Variants in SHANK1 observed in about 807,000 individuals in gnomAD.
SHANK1 encodes the protein SH3 and multiple ankyrin repeat domains protein 1.
A neutral mutation model predicts 165.6 loss-of-function variants in SHANK1; 35 were observed. The observed-to-expected ratio is 0.21, with a 90% confidence interval of 0.16 to 0.28. The LOEUF is 0.28. SHANK1 is among the 10% of genes least tolerant of loss of function. The probability of loss-of-function intolerance (pLI) is 1.00; values close to 1 mark genes in which losing one functional copy is unlikely to be tolerated. For synonymous variants in SHANK1, 1,428 were observed against 1,384.8 expected (o/e 1.03, Z -0.69); for missense variants, 2,681 against 3,036.4 (o/e 0.88, Z 2.75).
rs1427203939 is a variant in SHANK1 at position 50,711,401 on chromosome 19, C to T, written c.1047G>A (p.Thr349=). ...TGTAGAGGGCGCAGATGTGCAGAGC[C>T]GTGTTCCCCGAGGCGTTCTGGGCTC... is the stretch of plus-strand genomic sequence containing the variant. ...EPGAQNASGN[T]ALHICALYNK... The change falls in exon 8 of 24, where the codon ACG becomes ACA. Residue 349 remains threonine (T), a synonymous_variant. Transcript: ENST00000293441. The T allele has an allele frequency of 2.2e-5, 35 of 1,558,168 alleles. No homozygotes were observed. The highest frequency in any genetic ancestry group is 7.2e-5 in the East Asian group (3 of 41,414).
intron 15 of SHANK1, among the ~76,000 whole-genome samples, chr19:50,695,319 C>T (rs1986702220): frequency 6.8e-6 from 1 of 148,060 alleles, no homozygotes; most frequent in Admixed American, 6.7e-5. Context: ...ACGGCGCCGG[C>T]TTCAGCACCG....
chr19:50,676,845 C>A (rs192778728), intron 21 of SHANK1, among the ~76,000 whole-genome samples: 1 of 152,128 alleles, frequency 6.6e-6, no homozygotes, highest in African/African-American at 2.4e-5. Context: ...GAAGGCCAAC[C>A]GGGATGCCCA....
At chr19:50,684,588 T>G (rs1420090568) in intron 21 of SHANK1, among the ~76,000 whole-genome samples, 1 of 152,174 alleles carries the variant, frequency 6.6e-6, no homozygotes, top group Non-Finnish European at 1.5e-5. Flanking sequence ...GTGGATAGAC[T>G]TCAGGGGCCT....
chr19:50,703,046 C>A (rs887539055), intron 11 of SHANK1, among the ~76,000 whole-genome samples: 7 of 152,174 alleles, frequency 4.6e-5, no homozygotes, highest in Non-Finnish European at 1.0e-4. Context: ...TTCCTCGGGA[C>A]ACGCCTGGCT....
At chr19:50,674,394 C>T (rs1451707621) in intron 21 of SHANK1, among the ~76,000 whole-genome samples, 3 of 152,128 alleles carry the variant, frequency 2.0e-5, no homozygotes, top group South Asian at 2.1e-4. Flanking sequence ...GAATGAAGTT[C>T]GCACCTTTGG....
At position 50,659,572 on chromosome 19, in the gene SHANK1, C is replaced by A. The variant is rs374301468; in HGVS notation, c.*2393G>T. On this transcript the variant is annotated 3_prime_UTR_variant, in exon 24 of 24. Coordinates refer to ENST00000293441, the MANE Select transcript of SHANK1 (RefSeq NM_016148.5). Reference sequence around the variant, plus strand: ...CCCCTCCTCTTCCCCTCCCACCCCCCCTTGGAAGACAATTCTCGGGCTTTT... The same window carrying A: ...CCCCTCCTCTTCCCCTCCCACCCCCACTTGGAAGACAATTCTCGGGCTTTT... Among the ~76,000 whole-genome samples, 6 of 149,700 alleles carry A rather than the reference C, an allele frequency of 4.0e-5. No homozygotes were observed. The highest frequency in any genetic ancestry group is 7.4e-5 in the African/African-American group (3 of 40,722).
intron 21 of SHANK1, 63 bp from the exon 22 acceptor site, chr19:50,672,177 A>C (rs1985818166): frequency 7.5e-7 from 1 of 1,337,330 alleles, no homozygotes; most frequent in Non-Finnish European, 1.0e-6. Context: ...TCAGCGCAGA[A>C]AGGCTTGTGG....
At position 50,686,394 on chromosome 19, in the gene SHANK1, A is replaced by C. The variant is rs1451398003; in HGVS notation, c.2459-39T>G. On this transcript the variant is annotated intron_variant, in intron 20 of 23. Coordinates refer to ENST00000293441, the MANE Select transcript of SHANK1 (RefSeq NM_016148.5). This position sits in a 1 kb window ranked among gnomAD's most constrained non-coding sequence, Gnocchi z 5.7. ...AATGAACAGAGGTGGGAAGACAATGAAATGAAGTTTGCTTTGACCCGGGCC... is the reference window on the plus strand; with the variant it reads ...AATGAACAGAGGTGGGAAGACAATGCAATGAAGTTTGCTTTGACCCGGGCC... 24 of 1,423,652 alleles carry C rather than the reference A, an allele frequency of 1.7e-5. No individual in the cohort carries two copies. The highest frequency in any genetic ancestry group is 2.2e-5 in the Non-Finnish European group (23 of 1,035,766). 88.2% of individuals were successfully genotyped at this position (1,423,652 alleles called of 1,614,324 possible).
At chr19:50,679,410 G>A (rs1986099641) in intron 21 of SHANK1, among the ~76,000 whole-genome samples, 2 of 152,076 alleles carry the variant, frequency 1.3e-5, no homozygotes, top group Admixed American at 1.3e-4. Context: ...AGAAGGGTCA[G>A]GGTGACAGGA....
chr19:50,676,720 C>A (rs1264932972), intron 21 of SHANK1, among the ~76,000 whole-genome samples: 3 of 152,132 alleles, frequency 2.0e-5, no homozygotes, highest in African/African-American at 7.2e-5. Context: ...GCAGCCCACC[C>A]CAATACTCTT....
rs1985737855 is a variant in SHANK1, at chr19:50,670,073, C to G, written c.2675-788G>C. On this transcript the variant is annotated intron_variant, in intron 22 of 23. Transcript: ENST00000293441. This position sits in a 1 kb window ranked among gnomAD's most constrained non-coding sequence, Gnocchi z 4.1. ...GGGGCCCCATCCTCCGCCCTGAGCT[C>G]TGGGCCCCTATATTCAAATACCCAC... is the stretch of plus-strand genomic sequence containing the variant. Among the ~76,000 whole-genome samples the G allele has an allele frequency of 6.6e-6, 1 of 152,138 alleles. No individual in the cohort carries two copies. The highest frequency in any genetic ancestry group is 2.4e-5 in the African/African-American group (1 of 41,404).
Position 50,718,487 on chromosome 19 carries a change from G to A in SHANK1, c.-44+919C>T, listed in dbSNP as rs1352611299. On this transcript the variant is annotated intron_variant, in intron 1 of 23. Transcript: ENST00000293441. The surrounding 1 kb of genome is among the most constrained non-coding windows in gnomAD (Gnocchi z 5.1). ...CGCGTACGGCTGCCCCAGCCCCCCCGGGCCGGCTCCGGCCCCTCCCCCTCA... is the reference window on the plus strand; with the variant it reads ...CGCGTACGGCTGCCCCAGCCCCCCCAGGCCGGCTCCGGCCCCTCCCCCTCA... 1.3e-5 allele frequency among the ~76,000 whole-genome samples: 2 copies of A among 151,994 alleles called. No individual in the cohort carries two copies. The highest frequency in any genetic ancestry group is 2.1e-4 in the South Asian group (1 of 4,822).
rs779886477 is a variant in SHANK1, at chr19:50,666,992, C to T, written c.4968G>A (p.Pro1656=). Reference sequence around the variant, plus strand: ...GGCCAGGCTGTGGGGCAGCGGGAGCCGGTGCTGCTGGGGCAGGCGGGCCTG... The same window carrying T: ...GGCCAGGCTGTGGGGCAGCGGGAGCTGGTGCTGCTGGGGCAGGCGGGCCTG... ...HPPGPPAPAA[P]APAAPQPGPD... The change falls in exon 23 of 24, where the codon CCG becomes CCA. Residue 1656 remains proline (P), a synonymous_variant. Coordinates refer to ENST00000293441, the MANE Select transcript of SHANK1 (RefSeq NM_016148.5). 7.0e-6 allele frequency: 11 copies of T among 1,573,404 alleles called. No homozygotes were observed. The highest frequency in any genetic ancestry group is 2.3e-5 in the East Asian group (1 of 44,014).
intron 21 of SHANK1, among the ~76,000 whole-genome samples, chr19:50,672,555 CAAA>C (rs3987747): frequency 5.6e-5 from 2 of 35,506 alleles, no homozygotes; most frequent in South Asian, 1.3e-3. Context: ...GACTCTGTCT[CAAA>C]AAAAAAAAAA....
rs932197619 is a variant in SHANK1 at position 50,661,427 on chromosome 19, G to T, written c.*538C>A. Among the ~76,000 whole-genome samples the T allele has an allele frequency of 6.6e-6, 1 of 151,872 alleles. No individual in the cohort carries two copies. The highest frequency in any genetic ancestry group is 2.4e-5 in the African/African-American group (1 of 41,326). Reference sequence around the variant, plus strand: ...TTGTGCAAAATTGCAGCCCGGGGACGGGAGGGGAGAGAGGTGAGCAGGCGT... The same window carrying T: ...TTGTGCAAAATTGCAGCCCGGGGACTGGAGGGGAGAGAGGTGAGCAGGCGT... On this transcript the variant is annotated 3_prime_UTR_variant, in exon 24 of 24. Transcript: ENST00000293441.
intron 19 of SHANK1, chr19:50,687,120 G>T: frequency 1.0e-6 from 1 of 980,972 alleles, no homozygotes. Flanking sequence ...CTGGAAGCCC[G>T]CCTCCCTCGG....
In SHANK1 at chr19:50,697,025, G is replaced by A. The variant is rs568129411; in HGVS notation, c.1964+71C>T. On this transcript the variant is annotated intron_variant, in intron 15 of 23. Coordinates refer to ENST00000293441, the MANE Select transcript of SHANK1 (RefSeq NM_016148.5). This position sits in a 1 kb window ranked among gnomAD's most constrained non-coding sequence, Gnocchi z 4.7. ...ACCTCAGCTCTGGTCGTGCACACAC[G>A]TTCACACGCCCCCCAGGCACCCCGT... 87 of 1,300,248 alleles carry A rather than the reference G, an allele frequency of 6.7e-5. No homozygotes were observed. The highest frequency in any genetic ancestry group is 9.0e-5 in the African/African-American group (6 of 66,408). 80.5% of individuals were successfully genotyped at this position (1,300,248 alleles called of 1,614,324 possible). A position where few individuals can be genotyped will look rare whatever the true frequency, so the allele number is the denominator to read the frequency against.
chr19:50,662,580 C>T lies in SHANK1; in HGVS notation c.5871G>A (p.Gly1957=), dbSNP rs1335856746. The part of the protein sequence containing the change: ...PPLPPLPTGT[G]VSPTAAAAPG... ...GGGCCGCAGCGGCTGTAGGGGAGACCCCTGTTCCGGTGGGGAGTGGCGGCA... is the reference window on the plus strand; with the variant it reads ...GGGCCGCAGCGGCTGTAGGGGAGACTCCTGTTCCGGTGGGGAGTGGCGGCA... The change falls in exon 24 of 24, where the codon GGG becomes GGA. Residue 1957 remains glycine (G), a synonymous_variant. Coordinates refer to ENST00000293441, the MANE Select transcript of SHANK1 (RefSeq NM_016148.5). The surrounding 1 kb of genome is among the most constrained non-coding windows in gnomAD (Gnocchi z 7.7). 4.5e-6 allele frequency: 7 copies of T among 1,564,610 alleles called. No individual in the cohort carries two copies. The highest frequency in any genetic ancestry group is 6.1e-6 in the Non-Finnish European group (7 of 1,154,228).
At chr19:50,665,566 CAAAAAAAAAAAAAA>C (rs141839934) in intron 23 of SHANK1, among the ~76,000 whole-genome samples, 1 of 47,632 alleles carries the variant, frequency 2.1e-5, no homozygotes, top group Non-Finnish European at 3.5e-5. Flanking sequence ...GACTCTGTCT[CAAAAAAAAAAAAAA>C]AAAAAAAAAA....
Sources: allele counts gnomAD v4.1 joint callset (sites outside exome capture counted in the v4.1 genomes callset), GRCh38; gene constraint gnomAD v4.1.1; non-coding constraint Gnocchi (gnomAD v3.1); transcripts MANE v1.5; gene names NCBI Gene and HGNC (gene_info 2026-07-23, HGNC 2026-07-21).